Variants in PHYKPL observed in about 807,000 individuals in gnomAD.
PHYKPL encodes the protein 5-phosphohydroxy-L-lysine phospho-lyase, also known as 5-phosphonooxy-L-lysine phospho-lyase.
In PHYKPL, 42 loss-of-function variants were observed where a neutral mutation model predicts 51.3. The ratio of observed to expected loss-of-function variants is 0.82; its 90% CI spans 0.64 to 1.06. The LOEUF (loss-of-function observed/expected upper bound fraction) is 1.06. Among genes scored for constraint, PHYKPL ranks in the 50% least tolerant of loss-of-function variants. PHYKPL has a pLI of 0.00. For missense variants in PHYKPL, 655 were observed against 586.6 expected (o/e 1.12, Z -1.20); for synonymous variants, 264 against 236.0 (o/e 1.12, Z -1.09).
chr5:178,229,981 G>C lies in PHYKPL; in HGVS notation c.297C>G (p.Thr99=), dbSNP rs760026776. 6.2e-7 allele frequency: 1 copy of C among 1,614,186 alleles called. No homozygotes were observed. The highest frequency in any genetic ancestry group is 8.5e-7 in the Non-Finnish European group (1 of 1,180,014). The change falls in exon 3 of 13, where the codon ACC becomes ACG. Residue 99 remains threonine (T), a synonymous_variant. Transcript: ENST00000308158. ...IVDYAQRLSE[T]LPEQLCVFYF... is the part of the protein sequence containing the mutation. Reference sequence around the variant, plus strand: ...AGAACACACAGAGCTGCTCCGGCAGGGTCTCTGACAGCCTCTGCGCATAGT... The same window carrying C: ...AGAACACACAGAGCTGCTCCGGCAGCGTCTCTGACAGCCTCTGCGCATAGT...
intron 12 of PHYKPL, chr5:178,211,656 G>T: frequency 2.1e-6 from 1 of 481,900 alleles, no homozygotes; most frequent in Non-Finnish European, 3.7e-6. Context: ...GTGGGTTGGG[G>T]TTCCACGTGG....
At chr5:178,214,939 CTGG>C (rs2113751190) in intron 9 of PHYKPL, 54 bp from the exon 10 acceptor site, 2 of 1,550,458 alleles carry the variant, frequency 1.3e-6, no homozygotes, top group East Asian at 4.5e-5. Flanking sequence ...GGCCAGGGTG[CTGG>C]CCTCAGCCTC....
intron 12 of PHYKPL, chr5:178,210,190 C>T (rs769563411): frequency 8.7e-6 from 14 of 1,612,826 alleles, no homozygotes; most frequent in Admixed American, 6.7e-5. Context: ...GCTACGGCTA[C>T]CAGCAGGGCT....
In PHYKPL at chr5:178,214,867, A is replaced by G. The variant is rs1461189898; in HGVS notation, c.1101T>C (p.Ile367=). 6 of 1,613,610 alleles carry G rather than the reference A, an allele frequency of 3.7e-6. No individual in the cohort carries two copies. The Admixed American group carries it at 8.3e-5, about 22-fold the overall frequency. ...CCTCATCTTTGATCAGATCCACACC[A>G]ATGAAGAGCCCAACACCCCTGCAAG... The part of the protein sequence containing the change: ...VGDVRGVGLF[I]GVDLIKDEAT... Residue 367 remains isoleucine (I), a synonymous_variant, in exon 10 of 13, where the codon ATT becomes ATC. Transcript: ENST00000308158.
chr5:178,232,266 C>T (rs1315099163), intron 1 of PHYKPL: 12 of 1,236,068 alleles, frequency 9.7e-6, no homozygotes, highest in Non-Finnish European at 1.2e-5. Flanking sequence ...GGAGACGGCG[C>T]TGTCGGGGAG....
intron 12 of PHYKPL, chr5:178,210,773 C>CTGTTGACTATTTCCAGAGCTCTAGGTGT (rs1278084099): frequency 3.0e-6 from 2 of 671,702 alleles, no homozygotes; most frequent in African/African-American, 3.5e-5. Context: ...AATCACTCTC[C>CTGTTGACTATTTCCAGAGCTCTAGGTGT]TGTTGACTAT....
chr5:178,215,441 G>A lies in PHYKPL; in HGVS notation c.928-11C>T. The A allele has an allele frequency of 6.2e-7, 1 of 1,605,522 alleles. No individual in the cohort carries two copies. The highest frequency in any genetic ancestry group is 8.5e-7 in the Non-Finnish European group (1 of 1,175,408). On this transcript the variant is annotated splice_polypyrimidine_tract_variant and intron_variant, in intron 8 of 12. Coordinates refer to ENST00000308158, the MANE Select transcript of PHYKPL (RefSeq NM_153373.4). ...TGGGCTGCCCCCAAACTGAGCCAGG[G>A]ACAAAGAACATGTCAGATGCCCTGG...
chr5:178,221,135 G>A (rs1761099281), intron 8 of PHYKPL, among the ~76,000 whole-genome samples: 1 of 152,142 alleles, frequency 6.6e-6, no homozygotes, highest in South Asian at 2.1e-4. Context: ...ACTAGAAGAG[G>A]GCTATGCACA....
At chr5:178,217,859 GAA>G (rs1198909852) in intron 8 of PHYKPL, among the ~76,000 whole-genome samples, 4 of 90,904 alleles carry the variant, frequency 4.4e-5, no homozygotes, top group Non-Finnish European at 2.3e-5. Context: ...CTCCGTCTCA[GAA>G]AAAAAAAAAA....
chr5:178,230,339 G>A, intron 2 of PHYKPL: 1 of 506,742 alleles, frequency 2.0e-6, no homozygotes, highest in South Asian at 2.5e-5. Flanking sequence ...TGTCTAGAAA[G>A]CCCATGTCTT....
chr5:178,231,283 C>T (rs2127498975), intron 2 of PHYKPL, 122 bp downstream of exon 2: 1 of 1,499,528 alleles, frequency 6.7e-7, no homozygotes, highest in South Asian at 1.2e-5. Flanking sequence ...CCTCTGCATA[C>T]TGACAGTGCC....
chr5:178,226,901 ATATG>A (rs765677030), intron 3 of PHYKPL, among the ~76,000 whole-genome samples: 5 of 151,544 alleles, frequency 3.3e-5, no homozygotes, highest in Non-Finnish European at 7.4e-5. Flanking sequence ...GTGTTTGTAT[ATATG>A]TGTGTCTGTG....
rs745486911 is a variant in PHYKPL, at chr5:178,222,207, C to T, written c.927+148G>A. 1.6e-5 allele frequency: 10 copies of T among 634,670 alleles called. No homozygotes were observed. In the African/African-American group the frequency reaches 1.7e-4, roughly 10 times the overall value. 39.3% of individuals were successfully genotyped at this position (634,670 alleles called of 1,614,324 possible). A position where few individuals can be genotyped will look rare whatever the true frequency, so the allele number is the denominator to read the frequency against. ...AGATGTTTTATGTTTTCTTACCTGA[C>T]CTGGCTATAATCTCCTTAAGGACAG... On this transcript the variant is annotated intron_variant, in intron 8 of 12. Coordinates refer to ENST00000308158, the MANE Select transcript of PHYKPL (RefSeq NM_153373.4).
At chr5:178,212,234 C>G (rs1317743255) in intron 11 of PHYKPL, among the ~76,000 whole-genome samples, 3 of 152,244 alleles carry the variant, frequency 2.0e-5, no homozygotes, top group Non-Finnish European at 4.4e-5. Flanking sequence ...CACTCCTATT[C>G]ATCATATCCC....
chr5:178,210,698 A>G, intron 12 of PHYKPL: 1 of 1,217,660 alleles, frequency 8.2e-7, no homozygotes, highest in South Asian at 1.2e-5. Flanking sequence ...TATGTACCAA[A>G]TTTAACTTGG....
chr5:178,220,644 C>T (rs527361948), intron 8 of PHYKPL, among the ~76,000 whole-genome samples: 2 of 151,308 alleles, frequency 1.3e-5, no homozygotes, highest in East Asian at 1.9e-4. Flanking sequence ...CCCTCAGGTA[C>T]AGTCCTAAGA....
intron 1 of PHYKPL, chr5:178,232,186 A>C: frequency 8.1e-7 from 1 of 1,232,432 alleles, no homozygotes; most frequent in Non-Finnish European, 1.0e-6. Context: ...TCCGGAGTAA[A>C]GGCTGCCAAG....
intron 6 of PHYKPL, chr5:178,223,802 C>G (rs1292502960): frequency 3.5e-6 from 1 of 283,910 alleles, no homozygotes; most frequent in African/African-American, 2.2e-5. Flanking sequence ...GGTAACACAC[C>G]TCTCTCTCCT....
At position 178,231,442 on chromosome 5, in the gene PHYKPL, C is replaced by T. The variant is rs200545423; in HGVS notation, c.141G>A (p.Gly47=). The change falls in exon 2 of 13, where the codon GGG becomes GGA. Residue 47 remains glycine, a synonymous_variant. Coordinates refer to ENST00000308158, the MANE Select transcript of PHYKPL (RefSeq NM_153373.4). ...AQGQYMYDEQ[G]AEYIDCISNV... is the part of the protein sequence containing the mutation. Reference sequence around the variant, plus strand: ...TGCTGATGCAATCGATGTATTCTGCCCCCTGTTCATCGTACATGTACTGCC... The same window carrying T: ...TGCTGATGCAATCGATGTATTCTGCTCCCTGTTCATCGTACATGTACTGCC... The T allele has an allele frequency of 5.6e-6, 9 of 1,614,182 alleles. No homozygotes were observed. Among genetic ancestry groups the T allele is most frequent in the Non-Finnish European group, 7.6e-6 (9 of 1,180,030 alleles).
Sources: gnomAD v4.1 joint callset for allele counts (sites outside exome capture counted in the v4.1 genomes callset) on GRCh38, gnomAD v4.1.1 for gene constraint, MANE v1.5 for transcripts, NCBI Gene and HGNC (gene_info 2026-07-23, HGNC 2026-07-21) for gene names.